Variants in SLC24A2 observed in about 807,000 individuals in gnomAD.
SLC24A2 encodes the protein sodium/potassium/calcium exchanger 2.
Under a neutral mutation model 62.0 loss-of-function variants are expected in SLC24A2, and 36 were observed. The observed-to-expected ratio is 0.58, with a 90% CI of 0.44 to 0.77. The LOEUF is 0.77. Ranked by LOEUF, SLC24A2 falls within the 30% of genes least tolerant of loss-of-function variation. The pLI, the probability that SLC24A2 is intolerant of heterozygous loss-of-function variation, is 0.00. For synonymous variants in SLC24A2, 358 were observed against 294.0 expected (o/e 1.22, Z -2.23); for missense variants, 846 against 817.9 (o/e 1.03, Z -0.42).
chr9:20,279,880 G>A, the SLC24A2 span, among the ~76,000 whole-genome samples: 17 of 152,276 alleles, frequency 1.1e-4, no homozygotes, highest in African/African-American at 3.9e-4. Flanking sequence ...CATTGTTATC[G>A]ATGATGTAGA....
At chr9:19,696,543 T>A (rs1218803470) in intron 2 of SLC24A2, among the ~76,000 whole-genome samples, 1 of 152,172 alleles carries the variant, frequency 6.6e-6, no homozygotes, top group Admixed American at 6.5e-5. Context: ...CAGAGAACTT[T>A]GAGTATGTGA....
the SLC24A2 span, among the ~76,000 whole-genome samples, chr9:20,204,326 G>A: frequency 6.6e-6 from 1 of 152,216 alleles, no homozygotes. Context: ...GCTGGAAAAA[G>A]AGACTGCGTT....
intron 5 of SLC24A2, among the ~76,000 whole-genome samples, chr9:19,590,313 C>T (rs1836512650): frequency 6.6e-6 from 1 of 152,208 alleles, no homozygotes; most frequent in African/African-American, 2.4e-5. Flanking sequence ...CAATCTCCCA[C>T]TCCTGCCAAC....
In SLC24A2 at chr9:19,597,283, C is replaced by T; in HGVS notation, c.1079-4G>A. 1 of 1,554,924 alleles carries T rather than the reference C, an allele frequency of 6.4e-7. No homozygotes were observed. Among genetic ancestry groups the T allele is most frequent in the Middle Eastern group, 1.7e-4 (1 of 5,922 alleles). On this transcript the variant is annotated splice_polypyrimidine_tract_variant and splice_region_variant and intron_variant, in intron 4 of 10. Transcript: ENST00000341998. The stretch of plus-strand genomic sequence containing the variant: ...AGTTTTCCATATGATCCAAGTTCTA[C>T]AACATCACAGTAAAAGACACAAAGA...
chr9:19,750,053 C>T (rs1466272902), intron 2 of SLC24A2, among the ~76,000 whole-genome samples: 1 of 152,180 alleles, frequency 6.6e-6, no homozygotes, highest in Non-Finnish European at 1.5e-5. Context: ...GCCCATGCTT[C>T]CCAGACCAGG....
At chr9:19,831,529 T>G in the SLC24A2 span, among the ~76,000 whole-genome samples, 19 of 152,194 alleles carry the variant, frequency 1.2e-4, no homozygotes, top group Non-Finnish European at 2.1e-4. Flanking sequence ...CTAAATAAAT[T>G]TGAAATCAAA....
At position 19,513,184 on chromosome 9, in the gene SLC24A2, A is replaced by ATATATG. The variant is rs1554665754; in HGVS notation, c.*2968_*2969insCATATA. On this transcript the variant is annotated 3_prime_UTR_variant, in exon 11 of 11. Coordinates refer to ENST00000341998, the MANE Select transcript of SLC24A2 (RefSeq NM_020344.4). Reference sequence around the variant, plus strand: ...TATATATATATATATATGTATATATATATATATGTATATATTTATATATGT... The same window carrying ATATATG: ...TATATATATATATATATGTATATATATATATGTATATATGTATATATTTATATATGT... 41 of 93,422 alleles carry ATATATG rather than the reference A, an allele frequency of 4.4e-4. 2 individuals carry two copies. Among genetic ancestry groups the ATATATG allele is most frequent in the African/African-American group, 1.6e-3 (39 of 24,632 alleles). The allele number at this position is 93,422 out of a possible 1,614,324, so 5.8% of individuals were successfully genotyped here.
upstream of SLC24A2, among the ~76,000 whole-genome samples, chr9:19,790,894 A>G (rs1260837718): frequency 2.0e-5 from 3 of 152,096 alleles, no homozygotes; most frequent in African/African-American, 4.8e-5. Context: ...ATCTTCTAGA[A>G]TTTTTATGGT....
At chr9:20,055,802 T>A in the SLC24A2 span, among the ~76,000 whole-genome samples, 3 of 151,790 alleles carry the variant, frequency 2.0e-5, no homozygotes, top group Non-Finnish European at 4.4e-5. Flanking sequence ...GGCAGGAGAA[T>A]CGCTTGAACC....
At chr9:19,555,192 C>T (rs1563960328) in intron 7 of SLC24A2, among the ~76,000 whole-genome samples, 1 of 151,954 alleles carries the variant, frequency 6.6e-6, no homozygotes, top group African/African-American at 2.4e-5. Context: ...CTTATTCAAG[C>T]CATTGTTATT....
the SLC24A2 span, among the ~76,000 whole-genome samples, chr9:20,301,364 C>T: frequency 8.8e-4 from 134 of 151,956 alleles, no homozygotes; most frequent in Non-Finnish European, 1.5e-3. Context: ...ATCTTGAAAA[C>T]CTTGGAAAAA....
At chr9:19,748,924 C>T (rs971226588) in intron 2 of SLC24A2, among the ~76,000 whole-genome samples, 1 of 151,740 alleles carries the variant, frequency 6.6e-6, no homozygotes, top group Admixed American at 6.6e-5. Context: ...AGAGCCTCCT[C>T]CTATCTGGAA....
the SLC24A2 span, among the ~76,000 whole-genome samples, chr9:20,097,887 C>T: frequency 6.6e-6 from 1 of 151,362 alleles, no homozygotes; most frequent in South Asian, 2.1e-4. Context: ...GGACTACAGG[C>T]GCTCGACACC....
the SLC24A2 span, among the ~76,000 whole-genome samples, chr9:19,973,058 C>A: frequency 6.6e-6 from 1 of 152,128 alleles, no homozygotes; most frequent in Non-Finnish European, 1.5e-5. Context: ...CAAAGGGAAG[C>A]CAGGTGCAGT....
At chr9:20,081,480 G>T in the SLC24A2 span, among the ~76,000 whole-genome samples, 1 of 120,148 alleles carries the variant, frequency 8.3e-6, no homozygotes, top group African/African-American at 3.2e-5. Context: ...GCTTGTTGAG[G>T]GGTGGGGGGA....
chr9:19,715,964 A>C (rs74704731), intron 2 of SLC24A2, among the ~76,000 whole-genome samples: 4,174 of 152,296 alleles, frequency 0.027, 214 homozygotes, highest in African/African-American at 0.095. Flanking sequence ...AACTCAAATA[A>C]AAGAGGTACC....
At chr9:19,897,255 C>T in the SLC24A2 span, among the ~76,000 whole-genome samples, 1 of 152,146 alleles carries the variant, frequency 6.6e-6, no homozygotes, top group Non-Finnish European at 1.5e-5. Context: ...CCTTTGTAAA[C>T]AGTGACCCCA....
the SLC24A2 span, among the ~76,000 whole-genome samples, chr9:19,804,413 A>T: frequency 6.6e-6 from 1 of 152,198 alleles, no homozygotes; most frequent in South Asian, 2.1e-4. Context: ...TTATTTTCAA[A>T]GTTATAAATG....
At chr9:20,261,254 A>G in the SLC24A2 span, among the ~76,000 whole-genome samples, 1 of 152,026 alleles carries the variant, frequency 6.6e-6, no homozygotes. Flanking sequence ...GAGTTACTTC[A>G]CCTAGAATAA....
Sources: gnomAD v4.1 joint callset for allele counts (sites outside exome capture counted in the v4.1 genomes callset) on GRCh38, gnomAD v4.1.1 for gene constraint, MANE v1.5 for transcripts, NCBI Gene and HGNC (gene_info 2026-07-23, HGNC 2026-07-21) for gene names.